ATP13A4: variants seen among roughly 807,000 people sequenced by gnomAD.
The protein encoded by ATP13A4 is ATPase 13A4.
ATP13A4 carries 114 observed loss-of-function variants against 142.5 expected under a neutral mutation model. The observed-to-expected ratio is 0.80, with a 90% CI of 0.69 to 0.93. ATP13A4 has a LOEUF of 0.93. ATP13A4 is among the 40% of genes least tolerant of loss of function. The pLI, the probability that ATP13A4 is intolerant of heterozygous loss-of-function variation, is 0.00. For synonymous variants in ATP13A4, 488 were observed against 514.8 expected (o/e 0.95, Z 0.70); for missense variants, 1,392 against 1,454.0 (o/e 0.96, Z 0.69).
chr3:193,579,334 G>T, intron 2 of ATP13A4: 2 of 208,556 alleles, frequency 9.6e-6, no homozygotes, highest in African/African-American at 2.4e-5. Context: ...TGTGTAGATT[G>T]GATGGCCAGT....
chr3:193,440,733 T>G, intron 20 of ATP13A4, 96 bp from the exon 21 acceptor site: 1 of 1,310,998 alleles, frequency 7.6e-7, no homozygotes, highest in Non-Finnish European at 1.1e-6. Context: ...ATCATGACAC[T>G]TACGATGAAG....
intron 8 of ATP13A4, among the ~76,000 whole-genome samples, chr3:193,480,892 C>G (rs968386664): frequency 2.0e-5 from 3 of 152,138 alleles, no homozygotes; most frequent in Non-Finnish European, 4.4e-5. Flanking sequence ...GCCCATCAAT[C>G]TATGAGTGGA....
intron 1 of ATP13A4, among the ~76,000 whole-genome samples, chr3:193,584,361 A>C (rs1400991133): frequency 6.6e-6 from 1 of 152,204 alleles, no homozygotes; most frequent in Non-Finnish European, 1.5e-5. Context: ...AAACTGGAGA[A>C]GGAAAAATAA....
At position 193,402,755 on chromosome 3, in the gene ATP13A4, C is replaced by T. The variant is rs1242884164; in HGVS notation, c.3488G>A (p.Ser1163Asn). ...GGAGGTTTGGTTTAGCGGGGGCCAA[C>T]TAGGGTCATTTGCCAAGTCCCTCTG... ...IWQRDLANDP[S>N]WPPLNQTSHS... Residue 1163 changes from serine to asparagine, a missense_variant, in exon 30 of 30, where the codon AGT becomes AAT. Ser to Asn is a conservative substitution (Grantham distance 46). Transcript: ENST00000342695. The T allele has an allele frequency of 1.2e-6, 2 of 1,613,276 alleles. No homozygotes were observed. Among genetic ancestry groups the T allele is most frequent in the Non-Finnish European group, 1.7e-6 (2 of 1,179,326 alleles).
At chr3:193,410,708 G>T (rs997075400) in intron 28 of ATP13A4, among the ~76,000 whole-genome samples, 1 of 152,164 alleles carries the variant, frequency 6.6e-6, no homozygotes. Context: ...AACAAAGTGA[G>T]ATCCTGTCTC....
rs1560287323 is a variant in ATP13A4 at position 193,573,295 on chromosome 3, A to ATATATATG, written n.291+8411_291+8412insCATATATA. ...TATATACATATATATATATACACAT[A>ATATATATG]TATATATATATACATATATATATAT... On this transcript the variant is annotated intron_variant and non_coding_transcript_variant, in intron 2 of 3. Coordinates refer to the ATP13A4 transcript ENST00000489140. Among the ~76,000 whole-genome samples, 3 of 83,962 alleles carry ATATATATG rather than the reference A, an allele frequency of 3.6e-5. 1 individual carries two copies. Among genetic ancestry groups the ATATATATG allele is most frequent in the African/African-American group, 1.6e-4 (3 of 18,380 alleles). The allele number at this position is 83,962 out of a possible 152,430, so 55.1% of individuals were successfully genotyped here.
At position 193,491,415 on chromosome 3, in the gene ATP13A4, C is replaced by T. The variant is rs1390916572; in HGVS notation, c.534-17G>A. 1 of 1,515,670 alleles carries T rather than the reference C, an allele frequency of 6.6e-7. No homozygotes were observed. The highest frequency in any genetic ancestry group is 9.2e-7 in the Non-Finnish European group (1 of 1,091,474). The allele number at this position is 1,515,670 out of a possible 1,614,324, so 93.9% of individuals were successfully genotyped here. A position where few individuals can be genotyped will look rare whatever the true frequency, so the allele number is the denominator to read the frequency against. Reference sequence around the variant, plus strand: ...ATTAACCTCCTATAGAAAGAAATCACAGATCACTCTGTCACAAATAATAAA... The same window carrying T: ...ATTAACCTCCTATAGAAAGAAATCATAGATCACTCTGTCACAAATAATAAA... On this transcript the variant is annotated splice_polypyrimidine_tract_variant and intron_variant, in intron 5 of 29. Transcript: ENST00000342695.
intron 21 of ATP13A4, among the ~76,000 whole-genome samples, chr3:193,439,297 A>G (rs1022101220): frequency 6.6e-6 from 1 of 152,174 alleles, no homozygotes; most frequent in Non-Finnish European, 1.5e-5. Flanking sequence ...ACTGCACATC[A>G]CTGCGTAGGG....
intron 1 of ATP13A4, among the ~76,000 whole-genome samples, chr3:193,540,527 CAAAAAAAAAAAAA>C (rs11360543): frequency 8.9e-5 from 4 of 44,782 alleles, no homozygotes; most frequent in Non-Finnish European, 1.5e-4. Flanking sequence ...GGCTCTCTGC[CAAAAAAAAAAAAA>C]AAAAAAAAAA....
intron 1 of ATP13A4, among the ~76,000 whole-genome samples, chr3:193,540,299 A>C (rs749611123): frequency 1.3e-5 from 2 of 152,032 alleles, no homozygotes; most frequent in Non-Finnish European, 2.9e-5. Context: ...GAGAGGCTTC[A>C]TGACTTGTCT....
At chr3:193,492,460 G>C (rs1719994428) in intron 5 of ATP13A4, among the ~76,000 whole-genome samples, 1 of 152,128 alleles carries the variant, frequency 6.6e-6, no homozygotes. Context: ...ATGGTGTTCT[G>C]CTGCTGCTCC....
chr3:193,462,773 AC>A lies in ATP13A4; in HGVS notation c.1511del (p.Cys504LeufsTer33), dbSNP rs1718027148. ...TCCAAGGTACTCACCCATTCCTATCACAGGACACGACTCCCCAGAGGTCCAA... is the reference window on the plus strand; with the variant it reads ...TCCAAGGTACTCACCCATTCCTATCAAGGACACGACTCCCCAGAGGTCCAA... ...DGLDLWGVVS[C>X]DRNGFQEVHS... On this transcript the variant is annotated frameshift_variant, in exon 13 of 30. Transcript: ENST00000342695. LOFTEE classifies it high-confidence loss of function. 1 of 1,613,702 alleles carries A rather than the reference AC, an allele frequency of 6.2e-7. No individual in the cohort carries two copies. Among genetic ancestry groups the A allele is most frequent in the African/African-American group, 1.3e-5 (1 of 74,896 alleles).
chr3:193,576,803 T>A (rs566294873), intron 2 of ATP13A4, among the ~76,000 whole-genome samples: 140 of 152,206 alleles, frequency 9.2e-4, no homozygotes, highest in African/African-American at 3.2e-3. Context: ...AAACAACTCA[T>A]AAAAGCATTC....
intron 25 of ATP13A4, among the ~76,000 whole-genome samples, chr3:193,422,214 A>C (rs1715439417): frequency 1.3e-5 from 2 of 149,984 alleles, no homozygotes; most frequent in Admixed American, 6.9e-5. Context: ...CCAACATTGA[A>C]GCACGTAAAT....
At position 193,457,400 on chromosome 3, in the gene ATP13A4, C is replaced by A; in HGVS notation, c.1740G>T (p.Lys580Asn). ...KGVPAHAMVV[K>N]PCRTASQVPV... is the part of the protein sequence containing the mutation. Reference sequence around the variant, plus strand: ...TTACCTGGCTGGCTGTTCTGCAGGGCTTAACTACCATGGCATGTGCCGGCA... The same window carrying A: ...TTACCTGGCTGGCTGTTCTGCAGGGATTAACTACCATGGCATGTGCCGGCA... The change falls in exon 15 of 30, where the codon AAG becomes AAT. Residue 580 changes from lysine to asparagine, a missense_variant. Lys to Asn is a moderately conservative substitution (Grantham distance 94). Transcript: ENST00000342695. The A allele has an allele frequency of 1.2e-6, 2 of 1,614,206 alleles. No homozygotes were observed. Among genetic ancestry groups the A allele is most frequent in the South Asian group, 2.2e-5 (2 of 91,086 alleles).
chr3:193,417,807 A>G (rs974807215), intron 25 of ATP13A4, among the ~76,000 whole-genome samples: 4 of 148,758 alleles, frequency 2.7e-5, no homozygotes, highest in Non-Finnish European at 5.9e-5. Context: ...AACAGAGTGA[A>G]ACCCCGTCTC....
chr3:193,446,909 A>C (rs1264186103), intron 18 of ATP13A4, among the ~76,000 whole-genome samples: 2 of 152,220 alleles, frequency 1.3e-5, no homozygotes, highest in Non-Finnish European at 2.9e-5. Flanking sequence ...CAGATCATTA[A>C]GAAAAAAGAA....
intron 7 of ATP13A4, among the ~76,000 whole-genome samples, chr3:193,488,139 C>T (rs1466848838): frequency 6.6e-6 from 1 of 152,124 alleles, no homozygotes; most frequent in Non-Finnish European, 1.5e-5. Context: ...TGGCACATGC[C>T]TGTAATCCCA....
At chr3:193,517,637 C>T (rs936975909) in intron 1 of ATP13A4, among the ~76,000 whole-genome samples, 14 of 152,166 alleles carry the variant, frequency 9.2e-5, no homozygotes, top group African/African-American at 3.1e-4. Flanking sequence ...CCCGCCACCA[C>T]GCCCGGCTAA....
Sources: allele counts gnomAD v4.1 joint callset (sites outside exome capture counted in the v4.1 genomes callset), GRCh38; gene constraint gnomAD v4.1.1; transcripts MANE v1.5; gene names NCBI Gene and HGNC (gene_info 2026-07-23, HGNC 2026-07-21).